HOOK3: variants seen among roughly 807,000 people sequenced by gnomAD.
HOOK3 encodes the protein protein Hook homolog 3.
HOOK3 carries 24 observed loss-of-function variants against 116.3 expected under a neutral mutation model. That is an observed-to-expected ratio of 0.21 (90% CI 0.15 to 0.29). The LOEUF is 0.29. Among genes scored for constraint, HOOK3 ranks in the 10% least tolerant of loss-of-function variants. The pLI, the probability that HOOK3 is intolerant of heterozygous loss-of-function variation, is 1.00. For synonymous variants in HOOK3, 275 were observed against 283.0 expected (o/e 0.97, Z 0.28); for missense variants, 632 against 830.2 (o/e 0.76, Z 2.93).
intron 4 of HOOK3, among the ~76,000 whole-genome samples, chr8:42,936,094 A>G (rs1392371319): frequency 6.6e-6 from 1 of 152,206 alleles, no homozygotes; most frequent in Non-Finnish European, 1.5e-5. Context: ...TTCTCCTTGA[A>G]GAGGTCCTTC....
intron 2 of HOOK3, among the ~76,000 whole-genome samples, chr8:42,919,955 T>G (rs1807624880): frequency 6.7e-6 from 1 of 149,202 alleles, no homozygotes; most frequent in Admixed American, 6.7e-5. Context: ...GGGAGAGGGT[T>G]TTTTTTTTTT....
intron 2 of HOOK3, among the ~76,000 whole-genome samples, chr8:42,908,024 A>G (rs1807347737): frequency 6.6e-6 from 1 of 152,140 alleles, no homozygotes; most frequent in Admixed American, 6.5e-5. Context: ...CTAAGTACTA[A>G]CAACAAACTA....
chr8:42,921,106 A>T (rs186313328), intron 2 of HOOK3, among the ~76,000 whole-genome samples: 143 of 152,248 alleles, frequency 9.4e-4, no homozygotes, highest in African/African-American at 3.2e-3. Flanking sequence ...ATTGCACATG[A>T]AGTATTTTAT....
chr8:42,924,251 G>A (rs1415176629), intron 2 of HOOK3, among the ~76,000 whole-genome samples: 1 of 151,978 alleles, frequency 6.6e-6, no homozygotes, highest in Non-Finnish European at 1.5e-5. Flanking sequence ...TTAATTTTTA[G>A]AGGATCAATT....
At chr8:42,989,679 T>G (rs566539746) in intron 15 of HOOK3, among the ~76,000 whole-genome samples, 1 of 152,290 alleles carries the variant, frequency 6.6e-6, no homozygotes, top group East Asian at 1.9e-4. Flanking sequence ...TTTGTTGCGC[T>G]AGGAAATACT....
At chr8:42,943,571 C>T (rs985150170) in intron 5 of HOOK3, 126 bp downstream of exon 5, 7 of 527,380 alleles carry the variant, frequency 1.3e-5, no homozygotes, top group African/African-American at 1.2e-4. Context: ...CAAAGAATGC[C>T]ATTTTCTACA....
Position 43,017,000 on chromosome 8 carries a change from T to G in HOOK3, c.2017-1358T>G, listed in dbSNP as rs1336957904. 2.7e-5 allele frequency among the ~76,000 whole-genome samples: 4 copies of G among 150,792 alleles called. No homozygotes were observed. In the East Asian group the frequency reaches 7.9e-4, roughly 30 times the overall value. On this transcript the variant is annotated intron_variant, in intron 21 of 21. Transcript: ENST00000307602. ...ACCAGCCTGGGCAACATGGCAAGAC[T>G]CCGTCTAAAAAAAAAATGAAAAAAG...
chr8:42,983,370 CGGAAAGGTCTG>C (rs1234610525), intron 14 of HOOK3, among the ~76,000 whole-genome samples: 2 of 151,552 alleles, frequency 1.3e-5, no homozygotes, highest in Non-Finnish European at 2.9e-5. Flanking sequence ...GCTAACCACA[CGGAAAGGTCTG>C]GGAAAGATAA....
At chr8:43,013,836 T>C (rs1045884866) in intron 21 of HOOK3, among the ~76,000 whole-genome samples, 4 of 152,180 alleles carry the variant, frequency 2.6e-5, no homozygotes, top group Non-Finnish European at 5.9e-5. Context: ...GTTTTGAAAT[T>C]GAATATCCCA....
At chr8:42,994,124 T>G (rs1809220061) in intron 15 of HOOK3, among the ~76,000 whole-genome samples, 1 of 152,110 alleles carries the variant, frequency 6.6e-6, no homozygotes, top group South Asian at 2.1e-4. Flanking sequence ...CAAGTGATTC[T>G]CCTGCCTCAG....
chr8:42,926,878 G>A (rs538497718), intron 3 of HOOK3, among the ~76,000 whole-genome samples: 19 of 152,308 alleles, frequency 1.2e-4, no homozygotes, highest in Middle Eastern at 3.4e-3. Flanking sequence ...ACAGCTTCCT[G>A]TGCTGCTTCT....
rs1007114306 is a variant in HOOK3 at position 42,903,389 on chromosome 8, G to C, written c.58-2784G>C. Among the ~76,000 whole-genome samples, 14 of 136,228 alleles carry C rather than the reference G, an allele frequency of 1.0e-4. No homozygotes were observed. In the East Asian group the frequency reaches 3.0e-3, roughly 30 times the overall value. 89.4% of individuals were successfully genotyped at this position (136,228 alleles called of 152,430 possible). On this transcript the variant is annotated intron_variant, in intron 1 of 21. Transcript: ENST00000307602. Reference sequence around the variant, plus strand: ...AGACGGAGTCTCGCTCTGTGGCCCAGGTTGGAGTGCAGTGGCGCGATCTCG... The same window carrying C: ...AGACGGAGTCTCGCTCTGTGGCCCACGTTGGAGTGCAGTGGCGCGATCTCG...
chr8:42,926,686 C>G (rs186652838), intron 3 of HOOK3, among the ~76,000 whole-genome samples: 159 of 152,308 alleles, frequency 1.0e-3, no homozygotes, highest in African/African-American at 3.2e-3. Context: ...TAACATCTTG[C>G]GTAACTATAA....
At position 42,897,090 on chromosome 8, in the gene HOOK3, G is replaced by A. The variant is rs1251682672; in HGVS notation, c.-42G>A. 8.1e-6 allele frequency: 10 copies of A among 1,237,652 alleles called. No individual in the cohort carries two copies. In the East Asian group the frequency reaches 2.8e-4, roughly 35 times the overall value. 76.7% of individuals were successfully genotyped at this position (1,237,652 alleles called of 1,614,324 possible). ...GATCCCCCGACAGAGCGGCGGCGGT[G>A]TCTGGCCAGGCGGTAGGCGCTGCCT... On this transcript the variant is annotated 5_prime_UTR_variant, in exon 1 of 22. Coordinates refer to ENST00000307602, the MANE Select transcript of HOOK3 (RefSeq NM_032410.4).
intron 3 of HOOK3, among the ~76,000 whole-genome samples, chr8:42,926,298 G>GT (rs1467004667): frequency 6.6e-6 from 1 of 151,884 alleles, no homozygotes; most frequent in Non-Finnish European, 1.5e-5. Context: ...TTTGTTTTTT[G>GT]TTTTTTGAGA....
intron 2 of HOOK3, among the ~76,000 whole-genome samples, chr8:42,911,969 A>G (rs1294942340): frequency 6.6e-6 from 1 of 152,210 alleles, no homozygotes; most frequent in Non-Finnish European, 1.5e-5. Context: ...TATCTATTTG[A>G]ATATCCTTAA....
At chr8:42,912,925 G>A (rs933808834) in intron 2 of HOOK3, among the ~76,000 whole-genome samples, 2 of 152,126 alleles carry the variant, frequency 1.3e-5, no homozygotes, top group African/African-American at 4.8e-5. Context: ...CTCCAAACCC[G>A]GGAAACCCTA....
At chr8:42,945,856 A>G (rs1808215832) in intron 5 of HOOK3, among the ~76,000 whole-genome samples, 2 of 152,186 alleles carry the variant, frequency 1.3e-5, no homozygotes, top group African/African-American at 4.8e-5. Flanking sequence ...AGCAAGTCCA[A>G]GTTGACAGAT....
At chr8:42,941,483 A>T (rs928859731) in intron 4 of HOOK3, among the ~76,000 whole-genome samples, 2 of 138,914 alleles carry the variant, frequency 1.4e-5, no homozygotes, top group East Asian at 4.3e-4. Context: ...GCGCCACTGC[A>T]CTCCAGCCTG....
Sources: allele counts gnomAD v4.1 joint callset (sites outside exome capture counted in the v4.1 genomes callset), GRCh38; gene constraint gnomAD v4.1.1; transcripts MANE v1.5; gene names NCBI Gene and HGNC (gene_info 2026-07-23, HGNC 2026-07-21).